SEC62: variants seen among roughly 807,000 people sequenced by gnomAD.
The protein encoded by SEC62 is SEC62 preprotein translocation factor.
In SEC62, 10 loss-of-function variants were observed where a neutral mutation model predicts 47.5. The ratio of observed to expected loss-of-function variants is 0.21; its 90% CI spans 0.13 to 0.36. The LOEUF (loss-of-function observed/expected upper bound fraction) is 0.36, where lower values mean the gene tolerates loss of function less well. SEC62 is among the 10% of genes least tolerant of loss of function. SEC62 has a pLI of 1.00. For synonymous variants in SEC62, 136 were observed against 150.5 expected (o/e 0.90, Z 0.71); for missense variants, 327 against 464.1 (o/e 0.70, Z 2.71).
intron 3 of SEC62, among the ~76,000 whole-genome samples, chr3:169,978,920 G>A (rs1439820883): frequency 6.6e-6 from 1 of 152,202 alleles, no homozygotes; most frequent in Non-Finnish European, 1.5e-5. Flanking sequence ...TCCACAGTCT[G>A]TGTTCTTAAC....
rs529846881 is a variant in SEC62, at chr3:169,987,440, C to T, written c.611-800C>T. On this transcript the variant is annotated intron_variant, in intron 6 of 7. Transcript: ENST00000337002. ...TTTCAGAAAACAAAAAGCAAAATAA[C>T]TCTTTTATAATAAGAGTACTAGTCA... 8.6e-4 allele frequency among the ~76,000 whole-genome samples: 131 copies of T among 152,230 alleles called. 1 individual carries two copies. The highest frequency in any genetic ancestry group is 3.2e-3 in the African/African-American group (131 of 41,540).
intron 2 of SEC62, among the ~76,000 whole-genome samples, 178 bp downstream of exon 2, chr3:169,975,894 T>A (rs936257148): frequency 3.9e-5 from 6 of 152,256 alleles, no homozygotes; most frequent in Non-Finnish European, 8.8e-5. Flanking sequence ...AATAAAAAGA[T>A]AACATGTTTT....
intron 7 of SEC62, among the ~76,000 whole-genome samples, chr3:169,990,280 A>T (rs541129377): frequency 6.6e-6 from 1 of 150,858 alleles, no homozygotes; most frequent in Non-Finnish European, 1.5e-5. Context: ...TTTTTTTTTT[A>T]AAGTCAGGGT....
At position 169,971,376 on chromosome 3, in the gene SEC62, A is replaced by G. The variant is rs139842417; in HGVS notation, c.37-4232A>G. On this transcript the variant is annotated intron_variant, in intron 1 of 7. Transcript: ENST00000337002. ...GATGAGCCACTGAGCCCTGCCTCTCATGGTACTCTTCTACAGCAATCTATC... is the reference window on the plus strand; with the variant it reads ...GATGAGCCACTGAGCCCTGCCTCTCGTGGTACTCTTCTACAGCAATCTATC... Among the ~76,000 whole-genome samples, 22 of 152,268 alleles carry G rather than the reference A, an allele frequency of 1.4e-4. No individual in the cohort carries two copies. In the East Asian group the frequency reaches 4.1e-3, roughly 28 times the overall value.
chr3:169,986,615 T>C (rs75755931), intron 6 of SEC62, among the ~76,000 whole-genome samples: 5,170 of 152,292 alleles, frequency 0.034, 132 homozygotes, highest in East Asian at 0.12. Context: ...AAAAAGTCCC[T>C]GTAGCTAGTT....
chr3:169,993,085 A>T lies in SEC62; in HGVS notation c.*22A>T. ...ATAATCTGACTAATTTTGGGACTGA[A>T]TGAATAAGTACAAGAGGTTGGATTT... is the stretch of plus-strand genomic sequence containing the variant. On this transcript the variant is annotated 3_prime_UTR_variant, in exon 8 of 8. Coordinates refer to ENST00000337002, the MANE Select transcript of SEC62 (RefSeq NM_003262.4). 1 of 1,530,660 alleles carries T rather than the reference A, an allele frequency of 6.5e-7. No individual in the cohort carries two copies. Among genetic ancestry groups the T allele is most frequent in the Non-Finnish European group, 8.8e-7 (1 of 1,133,258 alleles). 94.8% of individuals were successfully genotyped at this position (1,530,660 alleles called of 1,614,324 possible). A position where few individuals can be genotyped will look rare whatever the true frequency, so the allele number is the denominator to read the frequency against.
intron 1 of SEC62, among the ~76,000 whole-genome samples, chr3:169,972,020 A>G (rs947433773): frequency 5.3e-5 from 8 of 152,216 alleles, no homozygotes; most frequent in Non-Finnish European, 1.0e-4. Context: ...TCAGATATCT[A>G]AATTTCTTTC....
chr3:169,995,823 G>T lies in SEC62; in HGVS notation c.*2760G>T, dbSNP rs746887968. 6.6e-6 allele frequency: 1 copy of T among 152,100 alleles called. No individual in the cohort carries two copies. Among genetic ancestry groups the T allele is most frequent in the African/African-American group, 2.4e-5 (1 of 41,414 alleles). The allele number at this position is 152,100 out of a possible 1,614,324, so 9.4% of individuals were successfully genotyped here. ...TCAACATGTAAATTTCTGTTGTAAA[G>T]ACACCTTATTTAATATAATCGATTC... On this transcript the variant is annotated 3_prime_UTR_variant, in exon 8 of 8. Transcript: ENST00000337002.
chr3:169,993,878 C>T lies in SEC62; in HGVS notation c.*815C>T, dbSNP rs956681792. ...AACACTTAAATTCATAAAATTAAGACCATGTAAGGGTATGTTTTTAGAGAA... is the reference window on the plus strand; with the variant it reads ...AACACTTAAATTCATAAAATTAAGATCATGTAAGGGTATGTTTTTAGAGAA... On this transcript the variant is annotated 3_prime_UTR_variant, in exon 8 of 8. Coordinates refer to ENST00000337002, the MANE Select transcript of SEC62 (RefSeq NM_003262.4). The T allele has an allele frequency of 2.0e-5, 3 of 152,488 alleles. No homozygotes were observed. The highest frequency in any genetic ancestry group is 4.4e-5 in the Non-Finnish European group (3 of 68,002). The allele number at this position is 152,488 out of a possible 1,614,324, so 9.4% of individuals were successfully genotyped here. A position where few individuals can be genotyped will look rare whatever the true frequency, so the allele number is the denominator to read the frequency against.
chr3:169,980,333 A>G (rs1315326744), intron 3 of SEC62, among the ~76,000 whole-genome samples: 1 of 150,800 alleles, frequency 6.6e-6, no homozygotes, highest in African/African-American at 2.4e-5. Context: ...ATAGGAAAGT[A>G]TGAGTAGTTG....
intron 1 of SEC62, among the ~76,000 whole-genome samples, chr3:169,967,588 A>T (rs1418362336): frequency 6.6e-6 from 1 of 152,154 alleles, no homozygotes; most frequent in Non-Finnish European, 1.5e-5. Flanking sequence ...GTAGTAACGT[A>T]CATAACATCT....
chr3:169,993,087 G>T lies in SEC62; in HGVS notation c.*24G>T. On this transcript the variant is annotated 3_prime_UTR_variant, in exon 8 of 8. Coordinates refer to ENST00000337002, the MANE Select transcript of SEC62 (RefSeq NM_003262.4). ...AATCTGACTAATTTTGGGACTGAAT[G>T]AATAAGTACAAGAGGTTGGATTTTC... 6.5e-7 allele frequency: 1 copy of T among 1,526,996 alleles called. No individual in the cohort carries two copies. The highest frequency in any genetic ancestry group is 1.3e-5 in the South Asian group (1 of 77,804). The allele number at this position is 1,526,996 out of a possible 1,614,324, so 94.6% of individuals were successfully genotyped here.
At chr3:169,980,593 T>C (rs1714948727) in intron 3 of SEC62, among the ~76,000 whole-genome samples, 1 of 152,240 alleles carries the variant, frequency 6.6e-6, no homozygotes, top group Non-Finnish European at 1.5e-5. Context: ...GCCTTCAGTA[T>C]CTACTCATCA....
intron 5 of SEC62, chr3:169,985,172 T>C (rs1181414095): frequency 6.6e-6 from 1 of 152,062 alleles, no homozygotes; most frequent in Non-Finnish European, 1.5e-5. Context: ...GGTTCATCAT[T>C]ACATTAGGGA....
At chr3:169,977,177 C>T (rs1714856164) in intron 3 of SEC62, 126 bp downstream of exon 3, 1 of 530,016 alleles carries the variant, frequency 1.9e-6, no homozygotes. Context: ...TCACATGTAA[C>T]CTGATTTCTT....
At chr3:169,978,211 G>A (rs1420067785) in intron 3 of SEC62, among the ~76,000 whole-genome samples, 4 of 152,084 alleles carry the variant, frequency 2.6e-5, no homozygotes, top group Non-Finnish European at 4.4e-5. Context: ...CCCGGGAGGC[G>A]GAGCTTGCAG....
rs565850512 is a variant in SEC62, at chr3:169,991,647, G to A, written c.731-947G>A. Among the ~76,000 whole-genome samples, 5 of 152,288 alleles carry A rather than the reference G, an allele frequency of 3.3e-5. No homozygotes were observed. In the East Asian group the frequency reaches 5.8e-4, roughly 18 times the overall value. On this transcript the variant is annotated intron_variant, in intron 7 of 7. Coordinates refer to ENST00000337002, the MANE Select transcript of SEC62 (RefSeq NM_003262.4). ...GAGCCCAGGAGGTTGAGGCTGCAGC[G>A]AGTCATGATTGTGCCACTGCACTCC...
At chr3:169,987,360 C>T (rs532249428) in intron 6 of SEC62, among the ~76,000 whole-genome samples, 87 of 152,186 alleles carry the variant, frequency 5.7e-4, no homozygotes, top group African/African-American at 1.7e-3. Flanking sequence ...TCGAGGCTGT[C>T]GTGAGCCAAG....
Position 169,992,561 on chromosome 3 carries a change from A to G in SEC62, c.731-33A>G, listed in dbSNP as rs760563469. The G allele has an allele frequency of 1.0e-5, 15 of 1,484,398 alleles. No individual in the cohort carries two copies. Among genetic ancestry groups the G allele is most frequent in the Non-Finnish European group, 1.1e-5 (12 of 1,077,330 alleles). The allele number at this position is 1,484,398 out of a possible 1,614,324, so 92.0% of individuals were successfully genotyped here. A position where few individuals can be genotyped will look rare whatever the true frequency, so the allele number is the denominator to read the frequency against. ...TACTCCCTTCTGAGGCAGTGTTTGA[A>G]TTACTCAATTAGAGAAATTTTTCTC... is the stretch of plus-strand genomic sequence containing the variant. On this transcript the variant is annotated intron_variant, in intron 7 of 7. Transcript: ENST00000337002. This position sits in a 1 kb window ranked among gnomAD's most constrained non-coding sequence, Gnocchi z 4.0.
Sources: gnomAD v4.1 joint callset for allele counts (sites outside exome capture counted in the v4.1 genomes callset) on GRCh38, gnomAD v4.1.1 for gene constraint, Gnocchi (gnomAD v3.1) non-coding constraint, MANE v1.5 for transcripts, NCBI Gene and HGNC (gene_info 2026-07-23, HGNC 2026-07-21) for gene names.